The following PIP5K1B variants were observed in gnomAD, a reference collection of about 807,000 sequenced individuals.
The protein encoded by PIP5K1B is phosphatidylinositol-4-phosphate 5-kinase type 1 beta.
In PIP5K1B, 42 loss-of-function variants were observed where a neutral mutation model predicts 67.0. The ratio of observed to expected loss-of-function variants is 0.63; its 90% CI spans 0.49 to 0.81. The LOEUF (loss-of-function observed/expected upper bound fraction) is 0.81, where lower values mean the gene tolerates loss of function less well. Among genes scored for constraint, PIP5K1B ranks in the 30% least tolerant of loss-of-function variants. The pLI is 0.00. For missense variants in PIP5K1B, 459 were observed against 646.3 expected, an observed-to-expected ratio of 0.71 and a Z score of 3.14; for synonymous variants, 214 against 231.4, an observed-to-expected ratio of 0.92 and a Z score of 0.68.
chr9:68,824,223 T>C (rs1307501400), intron 4 of PIP5K1B: 1 of 518,852 alleles, frequency 1.9e-6, no homozygotes, highest in African/African-American at 1.9e-5. Flanking sequence ...TCAGGTGGTA[T>C]TCTCAATCAG....
intron 2 of PIP5K1B, among the ~76,000 whole-genome samples, chr9:68,750,497 T>G (rs1327733435): frequency 6.6e-6 from 1 of 152,206 alleles, no homozygotes; most frequent in Non-Finnish European, 1.5e-5. Flanking sequence ...TTCAAATGTG[T>G]GAAATATTTA....
intron 14 of PIP5K1B, among the ~76,000 whole-genome samples, chr9:68,957,378 G>A (rs1828457403): frequency 6.6e-6 from 1 of 152,146 alleles, no homozygotes; most frequent in South Asian, 2.1e-4. Context: ...AGGAGGCTGG[G>A]AAGAGGCCTA....
chr9:68,868,436 A>G (rs1480933789), intron 5 of PIP5K1B, among the ~76,000 whole-genome samples: 1 of 152,352 alleles, frequency 6.6e-6, no homozygotes, highest in Non-Finnish European at 1.5e-5. Context: ...TATTTGGTAT[A>G]TGAAATAATT....
Position 68,894,533 on chromosome 9 carries a change from C to T in PIP5K1B, c.666C>T (p.Asn222=), listed in dbSNP as rs778557996. The change falls in exon 8 of 16, where the codon AAC becomes AAT. Residue 222 remains asparagine (N), a synonymous_variant. Transcript: ENST00000265382. The stretch of plus-strand genomic sequence containing the variant: ...CCCGTAAAGAGAGAGAGAAATCCAA[C>T]CCCACATTTAAGGACTTAGATTTCC... The part of the protein sequence containing the change: ...RASRKEREKS[N]PTFKDLDFLQ... The T allele has an allele frequency of 2.5e-6, 4 of 1,614,020 alleles. No homozygotes were observed. The South Asian group carries it at 4.4e-5, about 18-fold the overall frequency.
At chr9:68,792,917 T>G (rs1208553917) in intron 2 of PIP5K1B, among the ~76,000 whole-genome samples, 1 of 152,208 alleles carries the variant, frequency 6.6e-6, no homozygotes, top group Non-Finnish European at 1.5e-5. Flanking sequence ...ATTATGTGCC[T>G]CACACTGGGC....
chr9:68,744,412 C>T (rs982275477), intron 2 of PIP5K1B, among the ~76,000 whole-genome samples: 2 of 152,202 alleles, frequency 1.3e-5, no homozygotes, highest in Non-Finnish European at 2.9e-5. Flanking sequence ...AAACATATCA[C>T]GTGGCTATTC....
intron 12 of PIP5K1B, among the ~76,000 whole-genome samples, chr9:68,927,850 T>C (rs1437837724): frequency 6.6e-6 from 1 of 152,180 alleles, no homozygotes; most frequent in African/African-American, 2.4e-5. Context: ...AGATTTACTT[T>C]CATGTTTTCT....
At chr9:68,927,773 T>TG (rs1826789593) in intron 12 of PIP5K1B, among the ~76,000 whole-genome samples, 1 of 152,132 alleles carries the variant, frequency 6.6e-6, no homozygotes, top group East Asian at 1.9e-4. Context: ...GATGTCCAAT[T>TG]TTTTTCCTTT....
At chr9:68,806,839 G>T (rs937832802) in intron 2 of PIP5K1B, among the ~76,000 whole-genome samples, 10 of 151,928 alleles carry the variant, frequency 6.6e-5, no homozygotes, top group African/African-American at 2.4e-4. Flanking sequence ...GCAGCTGCCT[G>T]CCCAGTGTGT....
At chr9:68,835,472 A>T (rs143767608) in intron 4 of PIP5K1B, among the ~76,000 whole-genome samples, 1 of 152,328 alleles carries the variant, frequency 6.6e-6, no homozygotes, top group Admixed American at 6.5e-5. Context: ...GAAGATGGTA[A>T]TTGGCTGTAC....
intron 2 of PIP5K1B, chr9:68,783,334 C>T (rs1831411355): frequency 6.0e-6 from 1 of 166,788 alleles, no homozygotes; most frequent in Non-Finnish European, 1.5e-5. Context: ...ATGTCATGTA[C>T]TTTTCTTGTG....
At chr9:68,972,061 C>T (rs1201773825) in intron 14 of PIP5K1B, among the ~76,000 whole-genome samples, 3 of 152,128 alleles carry the variant, frequency 2.0e-5, no homozygotes, top group Non-Finnish European at 2.9e-5. Flanking sequence ...AGTCTTTGCC[C>T]ATGTCTATGT....
chr9:68,760,268 A>G (rs1192478522), intron 2 of PIP5K1B, among the ~76,000 whole-genome samples: 1 of 152,110 alleles, frequency 6.6e-6, no homozygotes, highest in African/African-American at 2.4e-5. Flanking sequence ...ACTCTAGTTA[A>G]TCAGAACTAA....
intron 2 of PIP5K1B, among the ~76,000 whole-genome samples, chr9:68,809,917 C>A (rs939851332): frequency 4.6e-5 from 7 of 152,180 alleles, no homozygotes; most frequent in African/African-American, 1.7e-4. Flanking sequence ...GAGTACCTGT[C>A]CTTGTCATTA....
At chr9:68,780,509 C>T in intron 2 of PIP5K1B, 1 of 1,614,238 alleles carries the variant, frequency 6.2e-7, no homozygotes, top group East Asian at 2.2e-5. Context: ...AGATAAGCCA[C>T]TCCTGGGAGG....
rs547374930 is a variant in PIP5K1B, at chr9:68,913,925, A to G, written c.772-3623A>G. 7.6e-4 allele frequency among the ~76,000 whole-genome samples: 115 copies of G among 152,220 alleles called. 1 individual carries two copies. The highest frequency in any genetic ancestry group is 3.4e-3 in the Middle Eastern group (1 of 294). On this transcript the variant is annotated intron_variant, in intron 8 of 15. Coordinates refer to ENST00000265382, the MANE Select transcript of PIP5K1B (RefSeq NM_003558.4). ...TCAGGATAGTGTCTTACTTTATCCAATAGTTCAGTTTGGACCACACAGCCT... is the reference window on the plus strand; with the variant it reads ...TCAGGATAGTGTCTTACTTTATCCAGTAGTTCAGTTTGGACCACACAGCCT...
intron 2 of PIP5K1B, among the ~76,000 whole-genome samples, chr9:68,808,960 A>G (rs1833015958): frequency 6.6e-6 from 1 of 152,212 alleles, no homozygotes; most frequent in Admixed American, 6.5e-5. Context: ...GTAAGACACC[A>G]TAGTTCTATT....
At chr9:68,931,529 G>T (rs1826997428) in intron 12 of PIP5K1B, among the ~76,000 whole-genome samples, 1 of 152,128 alleles carries the variant, frequency 6.6e-6, no homozygotes, top group Non-Finnish European at 1.5e-5. Flanking sequence ...TGGGTACGCG[G>T]AGAGAAATAA....
At position 68,775,708 on chromosome 9, in the gene PIP5K1B, A is replaced by G. The variant is rs186429529; in HGVS notation, c.-86+33051A>G. On this transcript the variant is annotated intron_variant, in intron 2 of 15. Transcript: ENST00000265382. ...ACCAACGTTGGCCACAGGTTAACCA[A>G]AACTGTGGGTAGGAGGGGACTACTT... is the stretch of plus-strand genomic sequence containing the variant. Among the ~76,000 whole-genome samples, 234 of 152,322 alleles carry G rather than the reference A, an allele frequency of 1.5e-3. 1 individual carries two copies. The highest frequency in any genetic ancestry group is 5.4e-3 in the African/African-American group (225 of 41,568).
Sources: gnomAD v4.1 joint callset for allele counts (sites outside exome capture counted in the v4.1 genomes callset) on GRCh38, gnomAD v4.1.1 for gene constraint, MANE v1.5 for transcripts, NCBI Gene and HGNC (gene_info 2026-07-23, HGNC 2026-07-21) for gene names.